MYO16: variants seen among roughly 807,000 people sequenced by gnomAD.
MYO16 encodes myosin XVI.
A neutral mutation model predicts 205.3 loss-of-function variants in MYO16; 94 were observed. That is an observed-to-expected ratio of 0.46 (90% CI 0.39 to 0.54). MYO16 has a LOEUF of 0.54. Among genes scored for constraint, MYO16 ranks in the 20% least tolerant of loss-of-function variants. The pLI, the probability that MYO16 is intolerant of heterozygous loss-of-function variation, is 0.00. For synonymous variants in MYO16, 988 were observed against 954.0 expected, an observed-to-expected ratio of 1.04 and a Z score of -0.66; for missense variants, 2,315 against 2,387.5, an observed-to-expected ratio of 0.97 and a Z score of 0.63.
At chr13:108,654,543 C>T (rs998399369) in intron 1 of MYO16, among the ~76,000 whole-genome samples, 4 of 152,140 alleles carry the variant, frequency 2.6e-5, no homozygotes, top group Admixed American at 1.3e-4. Context: ...TTGACTAATA[C>T]AGTAAACTGG....
chr13:108,933,718 C>T (rs538999974), intron 16 of MYO16, among the ~76,000 whole-genome samples: 8 of 152,034 alleles, frequency 5.3e-5, no homozygotes, highest in East Asian at 3.9e-4. Flanking sequence ...GAGCATAGTA[C>T]GCAACAGTTA....
chr13:109,149,822 A>G (rs1877554456), intron 32 of MYO16, among the ~76,000 whole-genome samples: 1 of 152,202 alleles, frequency 6.6e-6, no homozygotes, highest in African/African-American at 2.4e-5. Flanking sequence ...GTGATAGACT[A>G]GGATTATTCC....
chr13:108,955,087 C>A (rs1192761445), intron 16 of MYO16, among the ~76,000 whole-genome samples: 2 of 152,182 alleles, frequency 1.3e-5, no homozygotes, highest in South Asian at 4.1e-4. Context: ...CAACCTCTTT[C>A]TCTCCTGGAA....
chr13:108,726,079 A>G (rs1480858354), intron 3 of MYO16, among the ~76,000 whole-genome samples: 1 of 152,182 alleles, frequency 6.6e-6, no homozygotes, highest in Non-Finnish European at 1.5e-5. Context: ...TTTGTGTGCC[A>G]GTGCTTCCAG....
chr13:109,166,558 T>C (rs1051316428), intron 33 of MYO16: 5 of 152,188 alleles, frequency 3.3e-5, no homozygotes, highest in African/African-American at 1.2e-4. Flanking sequence ...TGAGAAATGT[T>C]AGAGCATCTC....
intron 28 of MYO16, among the ~76,000 whole-genome samples, chr13:109,112,734 G>A (rs772003565): frequency 1.3e-5 from 2 of 151,802 alleles, no homozygotes; most frequent in African/African-American, 2.4e-5. Flanking sequence ...CAGCCTGGGC[G>A]AAACTCTGCC....
the MYO16 span, among the ~76,000 whole-genome samples, chr13:108,577,491 A>G: frequency 3.9e-5 from 6 of 152,098 alleles, no homozygotes; most frequent in African/African-American, 7.2e-5. Flanking sequence ...TCATGGCTTT[A>G]ATTTCTGTCT....
chr13:108,796,960 A>G lies in MYO16; in HGVS notation c.741+3320A>G, dbSNP rs146827969. 2.3e-3 allele frequency among the ~76,000 whole-genome samples: 349 copies of G among 152,090 alleles called. 2 individuals carry two copies. The highest frequency in any genetic ancestry group is 7.9e-3 in the African/African-American group (327 of 41,502). On this transcript the variant is annotated intron_variant, in intron 6 of 34. Coordinates refer to ENST00000457511, the MANE Select transcript of MYO16 (RefSeq NM_001198950.3). ...TTAAAATTAAAATTAAAAAAAAAGA[A>G]CTGACTGAAAAGGACAGGGGTAAAC...
the MYO16 span, among the ~76,000 whole-genome samples, chr13:108,575,470 G>A: frequency 6.6e-6 from 1 of 152,096 alleles, no homozygotes; most frequent in Non-Finnish European, 1.5e-5. Context: ...GAAAAGCCAA[G>A]CCTGAGCCCC....
At chr13:109,038,343 C>T (rs1425939398) in intron 23 of MYO16, among the ~76,000 whole-genome samples, 1 of 152,088 alleles carries the variant, frequency 6.6e-6, no homozygotes, top group African/African-American at 2.4e-5. Flanking sequence ...TGGGTGGGCA[C>T]CACCTAATCC....
chr13:109,094,683 A>G (rs1566503170), intron 27 of MYO16, among the ~76,000 whole-genome samples: 1 of 151,926 alleles, frequency 6.6e-6, no homozygotes, highest in Non-Finnish European at 1.5e-5. Flanking sequence ...CTAGCCCCCA[A>G]CCCCTTGACA....
At chr13:108,697,325 G>A (rs548461062) in intron 2 of MYO16, among the ~76,000 whole-genome samples, 11 of 152,198 alleles carry the variant, frequency 7.2e-5, no homozygotes, top group South Asian at 4.1e-4. Flanking sequence ...CACTCCCCTC[G>A]ACAGTGCTTC....
chr13:108,685,272 C>T lies in MYO16; in HGVS notation c.292+19123C>T, dbSNP rs546051505. On this transcript the variant is annotated intron_variant, in intron 2 of 34. Transcript: ENST00000457511. Reference sequence around the variant, plus strand: ...TCTTGACCTCATGATCCACCTGCCTCGGCCTCCCAAAGTGCTGGGATTACA... The same window carrying T: ...TCTTGACCTCATGATCCACCTGCCTTGGCCTCCCAAAGTGCTGGGATTACA... Among the ~76,000 whole-genome samples, 37 of 152,192 alleles carry T rather than the reference C, an allele frequency of 2.4e-4. No homozygotes were observed. The South Asian group carries it at 7.3e-3, about 30-fold the overall frequency.
chr13:108,930,874 G>A (rs1378795263), intron 16 of MYO16, among the ~76,000 whole-genome samples: 1 of 152,136 alleles, frequency 6.6e-6, no homozygotes, highest in Non-Finnish European at 1.5e-5. Flanking sequence ...GAGTTATAAA[G>A]TAAACATATG....
intron 1 of MYO16, among the ~76,000 whole-genome samples, chr13:108,635,418 T>C (rs1880178113): frequency 6.6e-6 from 1 of 152,206 alleles, no homozygotes; most frequent in African/African-American, 2.4e-5. Flanking sequence ...TTTTTAATCC[T>C]TTTACTTATC....
At chr13:108,530,277 A>G in the MYO16 span, among the ~76,000 whole-genome samples, 1 of 152,254 alleles carries the variant, frequency 6.6e-6, no homozygotes, top group Non-Finnish European at 1.5e-5. Context: ...ACTGGGAACC[A>G]AAAGCAAAAG....
At chr13:108,692,747 T>C (rs1209140439) in intron 2 of MYO16, among the ~76,000 whole-genome samples, 2 of 152,128 alleles carry the variant, frequency 1.3e-5, no homozygotes, top group African/African-American at 4.8e-5. Flanking sequence ...ATTAATGAAG[T>C]ACAAAAAGAA....
chr13:109,104,705 G>A (rs1889069064), intron 28 of MYO16, among the ~76,000 whole-genome samples: 1 of 152,172 alleles, frequency 6.6e-6, no homozygotes, highest in South Asian at 2.1e-4. Context: ...GGAAATGCAT[G>A]TCAAAGGAGC....
intron 15 of MYO16, among the ~76,000 whole-genome samples, chr13:108,898,377 T>C (rs1283407321): frequency 1.3e-5 from 2 of 151,836 alleles, no homozygotes; most frequent in Non-Finnish European, 2.9e-5. Context: ...TGTGTGTGTG[T>C]GTGTGTGTGT....
Sources: allele counts gnomAD v4.1 joint callset (sites outside exome capture counted in the v4.1 genomes callset), GRCh38; gene constraint gnomAD v4.1.1; transcripts MANE v1.5; gene names NCBI Gene and HGNC (gene_info 2026-07-23, HGNC 2026-07-21).